The following ATAD5 variants were observed in gnomAD, a reference collection of about 807,000 sequenced individuals.
ATAD5 encodes ATPase family AAA domain-containing protein 5.
A neutral mutation model predicts 176.9 loss-of-function variants in ATAD5; 58 were observed. The observed-to-expected ratio is 0.33, with a 90% CI of 0.27 to 0.41. The LOEUF is 0.41. Among genes scored for constraint, ATAD5 ranks in the 10% least tolerant of loss-of-function variants. The probability of loss-of-function intolerance (pLI) is 1.00; values close to 1 mark genes in which losing one functional copy is unlikely to be tolerated. For missense variants in ATAD5, 1,789 were observed against 2,094.1 expected, an observed-to-expected ratio of 0.85 and a Z score of 2.84; for synonymous variants, 640 against 712.6, an observed-to-expected ratio of 0.90 and a Z score of 1.62.
At chr17:30,837,679 G>A (rs1164476021) in intron 3 of ATAD5, among the ~76,000 whole-genome samples, 2 of 152,144 alleles carry the variant, frequency 1.3e-5, no homozygotes, top group African/African-American at 4.8e-5. Flanking sequence ...ACAGTTATGG[G>A]GATTGAGAAA....
chr17:30,868,513 T>G lies in ATAD5; in HGVS notation c.3313+101T>G, dbSNP rs181061628. 1,475 of 822,108 alleles carry G rather than the reference T, an allele frequency of 1.8e-3. 11 individuals are homozygous for G. The African/African-American group carries it at 0.024, about 13-fold the overall frequency. 50.9% of individuals were successfully genotyped at this position (822,108 alleles called of 1,614,324 possible). Reference sequence around the variant, plus strand: ...ATAAAATTTCTTTTTTTTTTAATTTTTTTTTTTTTTTGGAGACAGAGTCTT... The same window carrying G: ...ATAAAATTTCTTTTTTTTTTAATTTGTTTTTTTTTTTGGAGACAGAGTCTT... On this transcript the variant is annotated intron_variant, in intron 12 of 22. Coordinates refer to ENST00000321990, the MANE Select transcript of ATAD5 (RefSeq NM_024857.5).
Position 30,870,504 on chromosome 17 carries a change from T to G in ATAD5, c.3607+858T>G, listed in dbSNP as rs369297949. Among the ~76,000 whole-genome samples the G allele has an allele frequency of 3.8e-3, 577 of 152,272 alleles. 7 individuals are homozygous for G. The highest frequency in any genetic ancestry group is 0.013 in the African/African-American group (550 of 41,580). On this transcript the variant is annotated intron_variant, in intron 14 of 22. Coordinates refer to ENST00000321990, the MANE Select transcript of ATAD5 (RefSeq NM_024857.5). ...ATATACAGGTGGCCTGTGTACTTCC[T>G]ATGACATCATAGCAGATTATCCCTT...
At chr17:30,849,461 A>G (rs1476430676) in intron 6 of ATAD5, among the ~76,000 whole-genome samples, 1 of 152,182 alleles carries the variant, frequency 6.6e-6, no homozygotes, top group African/African-American at 2.4e-5. Flanking sequence ...CTTTGTGTGG[A>G]TATACATCTT....
chr17:30,858,036 G>T (rs60020217), intron 8 of ATAD5, 125 bp from the exon 9 acceptor site: 2 of 831,706 alleles, frequency 2.4e-6, no homozygotes, highest in African/African-American at 3.6e-5. Flanking sequence ...GAGCCACCAC[G>T]CCCGGCCTAA....
At chr17:30,855,113 C>A (rs1302813016) in intron 6 of ATAD5, 30 bp from the exon 7 acceptor site, 22 of 1,538,068 alleles carry the variant, frequency 1.4e-5, no homozygotes, top group Non-Finnish European at 1.8e-5. Flanking sequence ...ATAACCTTAG[C>A]TTTTCTTTTT....
chr17:30,858,704 A>G (rs1397729845), intron 9 of ATAD5, among the ~76,000 whole-genome samples: 2 of 150,044 alleles, frequency 1.3e-5, no homozygotes, highest in Non-Finnish European at 3.0e-5. Flanking sequence ...CTTTTTTTTT[A>G]GAGTGTTGCT....
chr17:30,847,380 G>C (rs1906578022), intron 6 of ATAD5, among the ~76,000 whole-genome samples: 1 of 152,064 alleles, frequency 6.6e-6, no homozygotes, highest in Non-Finnish European at 1.5e-5. Context: ...GCCCAGGCTG[G>C]AGTGCAGTGG....
intron 7 of ATAD5, among the ~76,000 whole-genome samples, chr17:30,855,918 A>G (rs192848783): frequency 1.3e-5 from 2 of 151,678 alleles, no homozygotes; most frequent in African/African-American, 4.8e-5. Context: ...TTTCCCAGCT[A>G]GTCTTTTCAG....
At chr17:30,837,694 C>G (rs913202995) in intron 3 of ATAD5, among the ~76,000 whole-genome samples, 1 of 152,110 alleles carries the variant, frequency 6.6e-6, no homozygotes, top group Non-Finnish European at 1.5e-5. Flanking sequence ...GAGAAATGCA[C>G]GATCAAAGCA....
intron 15 of ATAD5, 84 bp downstream of exon 15, chr17:30,876,634 C>T: frequency 1.3e-6 from 1 of 753,252 alleles, no homozygotes. Context: ...TTACGAGTTC[C>T]TGTTGCTATT....
chr17:30,857,230 T>G, intron 8 of ATAD5, 118 bp downstream of exon 8: 1 of 1,205,624 alleles, frequency 8.3e-7, no homozygotes, highest in Non-Finnish European at 1.1e-6. Context: ...TAATTTTTTT[T>G]TTTTTTGAGA....
At chr17:30,842,567 C>A (rs560409768) in intron 4 of ATAD5, among the ~76,000 whole-genome samples, 3 of 152,066 alleles carry the variant, frequency 2.0e-5, no homozygotes, top group Non-Finnish European at 4.4e-5. Flanking sequence ...GGTAAGTGCT[C>A]GGTAAATCTA....
intron 18 of ATAD5, among the ~76,000 whole-genome samples, chr17:30,884,318 GCTGTGA>G (rs1260692908): frequency 1.3e-5 from 2 of 151,268 alleles, no homozygotes; most frequent in Non-Finnish European, 2.9e-5. Flanking sequence ...ATCGCGCCAG[GCTGTGA>G]CTGGCTTATT....
intron 18 of ATAD5, among the ~76,000 whole-genome samples, chr17:30,883,123 GA>G (rs1356544926): frequency 1.4e-5 from 2 of 139,330 alleles, no homozygotes; most frequent in Non-Finnish European, 3.0e-5. Context: ...ATAAACACCA[GA>G]TTTTTTTTTT....
At chr17:30,837,377 AC>A in intron 3 of ATAD5, 63 bp downstream of exon 3, 3 of 1,095,408 alleles carry the variant, frequency 2.7e-6, no homozygotes, top group Non-Finnish European at 3.9e-6. Context: ...CAAACAAAAA[AC>A]CCCCACATTA....
chr17:30,858,860 AT>A (rs1408481940), intron 9 of ATAD5, among the ~76,000 whole-genome samples: 1 of 151,802 alleles, frequency 6.6e-6, no homozygotes, highest in East Asian at 1.9e-4. Context: ...TTATTTTTTA[AT>A]TTTTACTTAT....
chr17:30,833,204 AGTT>A (rs3841250), intron 1 of ATAD5, among the ~76,000 whole-genome samples: 15,930 of 151,272 alleles, frequency 0.11, 942 homozygotes, highest in South Asian at 0.24. Flanking sequence ...TTGTCTACTT[AGTT>A]GTTATGCTGA....
chr17:30,895,862 T>G lies in ATAD5; in HGVS notation c.*949T>G, dbSNP rs1909879016. On this transcript the variant is annotated 3_prime_UTR_variant, in exon 23 of 23. Coordinates refer to ENST00000321990, the MANE Select transcript of ATAD5 (RefSeq NM_024857.5). ...TAAAGCTAAAGGCTTTATGAAATGTTTAAAAAAGAGTTCAGATGTAATCAT... is the reference window on the plus strand; with the variant it reads ...TAAAGCTAAAGGCTTTATGAAATGTGTAAAAAAGAGTTCAGATGTAATCAT... 1 of 152,194 alleles carries G rather than the reference T, an allele frequency of 6.6e-6. No individual in the cohort carries two copies. The highest frequency in any genetic ancestry group is 6.5e-5 in the Admixed American group (1 of 15,272). 9.4% of individuals were successfully genotyped at this position (152,194 alleles called of 1,614,324 possible). A position where few individuals can be genotyped will look rare whatever the true frequency, so the allele number is the denominator to read the frequency against.
At chr17:30,874,738 C>G (rs751775624) in intron 14 of ATAD5, among the ~76,000 whole-genome samples, 5 of 150,814 alleles carry the variant, frequency 3.3e-5, no homozygotes, top group Non-Finnish European at 5.9e-5. Context: ...TCAAGTGATT[C>G]TCCTGCCTCA....
Sources: allele counts gnomAD v4.1 joint callset (sites outside exome capture counted in the v4.1 genomes callset), GRCh38; gene constraint gnomAD v4.1.1; transcripts MANE v1.5; gene names NCBI Gene and HGNC (gene_info 2026-07-23, HGNC 2026-07-21).